The following ERMP1 variants were observed in gnomAD, a reference collection of about 807,000 sequenced individuals.
The protein encoded by ERMP1 is Felix-ina.
A neutral mutation model predicts 92.0 loss-of-function variants in ERMP1; 86 were observed. The observed-to-expected ratio is 0.93, with a 90% CI of 0.79 to 1.12. ERMP1 has a LOEUF of 1.12. Ranked by LOEUF, ERMP1 falls within the 50% of genes most tolerant of loss-of-function variation. ERMP1 has a pLI of 0.00. For synonymous variants in ERMP1, 530 were observed against 412.8 expected (o/e 1.28, Z -3.44); for missense variants, 1,342 against 1,116.3 (o/e 1.20, Z -2.88).
At chr9:5,839,211 TA>T (rs961544087) in intron 6 of ERMP1, among the ~76,000 whole-genome samples, 1 of 152,080 alleles carries the variant, frequency 6.6e-6, no homozygotes. Context: ...CTGAACCAAT[TA>T]AAAAAAACTG....
At chr9:5,847,614 G>T (rs936050314) in intron 6 of ERMP1, among the ~76,000 whole-genome samples, 2 of 151,836 alleles carry the variant, frequency 1.3e-5, no homozygotes, top group Non-Finnish European at 2.9e-5. Context: ...AAACAAAATC[G>T]GCCAGGCGCA....
At chr9:5,788,994 G>T (rs575245874) in intron 13 of ERMP1, among the ~76,000 whole-genome samples, 3 of 152,082 alleles carry the variant, frequency 2.0e-5, no homozygotes, top group African/African-American at 7.2e-5. Context: ...ATGGGAAAAA[G>T]CAAAGTAAAA....
chr9:5,850,505 G>A (rs1309471975), intron 6 of ERMP1, among the ~76,000 whole-genome samples: 1 of 151,720 alleles, frequency 6.6e-6, no homozygotes, highest in Non-Finnish European at 1.5e-5. Flanking sequence ...GGAGCATGTG[G>A]CTGAGGAAAC....
At chr9:5,834,959 T>TGATAGATA (rs58237509), upstream of ERMP1, among the ~76,000 whole-genome samples, 126,272 of 143,378 alleles carry the variant, frequency 0.88, 54,939 homozygotes, top group East Asian at 1. Context: ...GATAGACAGA[T>TGATAGATA]GATAGATGGA....
chr9:5,810,687 C>T (rs751240907), intron 7 of ERMP1, among the ~76,000 whole-genome samples: 1 of 151,800 alleles, frequency 6.6e-6, no homozygotes, highest in Non-Finnish European at 1.5e-5. Context: ...TATTTTATCT[C>T]GTAACAGCAC....
rs775253188 is a variant in ERMP1 at position 5,805,687 on chromosome 9, C to T, written c.1647G>A (p.Ser549=). ...CTACCCAGACAGCACTAATAAACGC[C>T]GAGCAAAGTCCTTGGTAAGTGAGGG... ...LVTLTYQGLC[S]AFISAVWVAF... is the part of the protein sequence containing the mutation. The change falls in exon 9 of 15, where the codon TCG becomes TCA. Residue 549 remains serine (S), a synonymous_variant. Transcript: ENST00000339450. The T allele has an allele frequency of 1.1e-5, 18 of 1,613,298 alleles. No homozygotes were observed. The highest frequency in any genetic ancestry group is 3.3e-5 in the Admixed American group (2 of 59,888).
chr9:5,859,699 GTTGTTTCTCACC>G (rs1830435144), intron 5 of ERMP1, among the ~76,000 whole-genome samples: 1 of 152,168 alleles, frequency 6.6e-6, no homozygotes, highest in Admixed American at 6.5e-5. Context: ...AAAGCCTTAA[GTTGTTTCTCACC>G]TTAATGAGGA....
intron 6 of ERMP1, among the ~76,000 whole-genome samples, chr9:5,856,813 C>A (rs953142660): frequency 2.6e-5 from 4 of 152,172 alleles, no homozygotes; most frequent in Admixed American, 6.5e-5. Flanking sequence ...TGTTGATTCA[C>A]TAATTTTGAA....
chr9:5,834,211 A>T (rs1830053299), upstream of ERMP1, among the ~76,000 whole-genome samples: 1 of 152,286 alleles, frequency 6.6e-6, no homozygotes, highest in Non-Finnish European at 1.5e-5. Context: ...ATCTTCTCAC[A>T]TGCTGTTTGA....
chr9:5,812,687 G>C lies in ERMP1; in HGVS notation c.1021+202C>G. ...CCCCTGTTCTTCTATGGGGAAAGAT[G>C]ACATATTTTAGAGGAGGCCAGCATT... On this transcript the variant is annotated intron_variant, in intron 5 of 14. Coordinates refer to ENST00000339450, the MANE Select transcript of ERMP1 (RefSeq NM_024896.3). The C allele has an allele frequency of 4.8e-6, 3 of 619,228 alleles. No homozygotes were observed. In the South Asian group the frequency reaches 5.7e-5, roughly 12 times the overall value. The allele number at this position is 619,228 out of a possible 1,614,324, so 38.4% of individuals were successfully genotyped here. A position where few individuals can be genotyped will look rare whatever the true frequency, so the allele number is the denominator to read the frequency against.
At chr9:5,859,675 C>T (rs1830434773) in intron 5 of ERMP1, among the ~76,000 whole-genome samples, 1 of 152,162 alleles carries the variant, frequency 6.6e-6, no homozygotes, top group African/African-American at 2.4e-5. Context: ...TCCCAACTTA[C>T]CCATAACTAT....
intron 2 of ERMP1, among the ~76,000 whole-genome samples, chr9:5,829,494 T>TA (rs1829858186): frequency 6.6e-6 from 1 of 152,190 alleles, no homozygotes; most frequent in Non-Finnish European, 1.5e-5. Context: ...TAAGAGTTAA[T>TA]AAAAACTTTT....
chr9:5,816,944 G>C (rs1288972593), intron 4 of ERMP1, among the ~76,000 whole-genome samples: 1 of 150,918 alleles, frequency 6.6e-6, no homozygotes, highest in Non-Finnish European at 1.5e-5. Flanking sequence ...TGTCTCCCAG[G>C]CTGGAGTACA....
At chr9:5,789,090 G>T (rs988305816) in intron 13 of ERMP1, among the ~76,000 whole-genome samples, 1 of 152,008 alleles carries the variant, frequency 6.6e-6, no homozygotes, top group Non-Finnish European at 1.5e-5. Context: ...CAACGAAACA[G>T]AACTAATATT....
intron 10 of ERMP1, among the ~76,000 whole-genome samples, chr9:5,802,271 G>A (rs957701248): frequency 6.6e-6 from 1 of 152,076 alleles, no homozygotes; most frequent in African/African-American, 2.4e-5. Flanking sequence ...AGATGCCTCT[G>A]GATGGAATAT....
chr9:5,801,455 T>TA, intron 10 of ERMP1, 127 bp from the exon 11 acceptor site: 1 of 760,962 alleles, frequency 1.3e-6, no homozygotes, highest in East Asian at 2.8e-5. Flanking sequence ...CAGCAGGTGC[T>TA]AGCATACTCT....
At position 5,833,057 on chromosome 9, in the gene ERMP1, G is replaced by C. The variant is rs777305970; in HGVS notation, c.-30C>G. Reference sequence around the variant, plus strand: ...ACGAGCCTCAGCTGCCAGCCCAACCGCCCCAACCCGCGACAGCCCCGGCCG... The same window carrying C: ...ACGAGCCTCAGCTGCCAGCCCAACCCCCCCAACCCGCGACAGCCCCGGCCG... On this transcript the variant is annotated 5_prime_UTR_variant, in exon 1 of 15. Coordinates refer to ENST00000339450, the MANE Select transcript of ERMP1 (RefSeq NM_024896.3). The C allele has an allele frequency of 3.6e-5, 51 of 1,427,050 alleles. No homozygotes were observed. The Admixed American group carries it at 1.5e-3, about 41-fold the overall frequency. 88.4% of individuals were successfully genotyped at this position (1,427,050 alleles called of 1,614,324 possible).
intron 6 of ERMP1, among the ~76,000 whole-genome samples, chr9:5,857,856 G>A (rs1347081507): frequency 6.6e-6 from 1 of 152,204 alleles, no homozygotes; most frequent in Admixed American, 6.5e-5. Context: ...GTTCTGTGAG[G>A]TGTCTAGTAG....
At position 5,822,810 on chromosome 9, in the gene ERMP1, C is replaced by G. The variant is rs538526336; in HGVS notation, c.874+1086G>C. The stretch of plus-strand genomic sequence containing the variant: ...TTTTGTTAATAAAGACAATTAAAAC[C>G]CATTTATGCCTGAGGTTGCAATTTT... On this transcript the variant is annotated intron_variant, in intron 4 of 14. Coordinates refer to ENST00000339450, the MANE Select transcript of ERMP1 (RefSeq NM_024896.3). Among the ~76,000 whole-genome samples, 5 of 152,154 alleles carry G rather than the reference C, an allele frequency of 3.3e-5. No individual in the cohort carries two copies. In the East Asian group the frequency reaches 9.7e-4, roughly 29 times the overall value.
Sources: allele counts gnomAD v4.1 joint callset (sites outside exome capture counted in the v4.1 genomes callset), GRCh38; gene constraint gnomAD v4.1.1; transcripts MANE v1.5; gene names NCBI Gene and HGNC (gene_info 2026-07-23, HGNC 2026-07-21).